HAP1: variants seen among roughly 807,000 people sequenced by gnomAD.
HAP1 encodes huntingtin associated protein 1.
A neutral mutation model predicts 60.3 loss-of-function variants in HAP1; 59 were observed. The ratio of observed to expected loss-of-function variants is 0.98; its 90% CI spans 0.79 to 1.22. HAP1 has a LOEUF of 1.22. Among genes scored for constraint, HAP1 ranks in the 50% most tolerant of loss-of-function variants. The probability of loss-of-function intolerance (pLI) is 0.00; values close to 1 mark genes in which losing one functional copy is unlikely to be tolerated. For missense variants in HAP1, 825 were observed against 785.3 expected (o/e 1.05, Z -0.60); for synonymous variants, 346 against 330.6 (o/e 1.05, Z -0.50).
rs551565394 is a variant in HAP1 at position 41,727,731 on chromosome 17, G to A, written c.1275+31C>T. The A allele has an allele frequency of 7.3e-6, 11 of 1,510,980 alleles. No individual in the cohort carries two copies. The South Asian group carries it at 9.0e-5, about 12-fold the overall frequency. 93.6% of individuals were successfully genotyped at this position (1,510,980 alleles called of 1,614,324 possible). ...CCACTCTGGGCCAGCGGCTCTCCAG[G>A]GTGGGGGCAGAAGCCGGCAGCGAGA... On this transcript the variant is annotated intron_variant, in intron 8 of 10. Coordinates refer to ENST00000347901, the MANE Select transcript of HAP1 (RefSeq NM_177977.3).
intron 6 of HAP1, among the ~76,000 whole-genome samples, chr17:41,729,518 C>T (rs1451649348): frequency 8.7e-6 from 1 of 115,270 alleles, no homozygotes; most frequent in Admixed American, 1.1e-4. Context: ...CCACTGCACT[C>T]CAGCCTGGGT....
intron 6 of HAP1, among the ~76,000 whole-genome samples, chr17:41,729,868 C>CAA (rs71155164): frequency 1.0e-4 from 6 of 59,902 alleles, no homozygotes; most frequent in African/African-American, 3.3e-4. Flanking sequence ...GAGACTCCGT[C>CAA]AAAAAAAAAA....
downstream of HAP1, chr17:41,718,140 T>G: frequency 2.5e-6 from 1 of 398,402 alleles, no homozygotes. Context: ...TAGCTTAGAA[T>G]TCAGGCTCAC....
In HAP1 at chr17:41,731,774, C is replaced by A. The variant is rs1912223348; in HGVS notation, c.897-31G>T. On this transcript the variant is annotated intron_variant, in intron 4 of 10. Transcript: ENST00000347901. ...GGAGGGAGGAATGGGAGTCAGGGTG[C>A]AGGGAGTGGGGCTTCCCAGTTCCCA... The A allele has an allele frequency of 4.6e-6, 7 of 1,523,378 alleles. No individual in the cohort carries two copies. In the Middle Eastern group the frequency reaches 1.2e-3, roughly 269 times the overall value. 94.4% of individuals were successfully genotyped at this position (1,523,378 alleles called of 1,614,324 possible).
At chr17:41,731,377 A>T in intron 6 of HAP1, 116 bp downstream of exon 6, 1 of 777,374 alleles carries the variant, frequency 1.3e-6, no homozygotes, top group Non-Finnish European at 2.3e-6. Flanking sequence ...ATCCAAGTTC[A>T]CACAGCTAGG....
rs114535587 is a variant in HAP1, at chr17:41,731,626, C to T, written c.1002+12G>A. 2.4e-4 allele frequency: 379 copies of T among 1,608,630 alleles called. No individual in the cohort carries two copies. The African/African-American group carries it at 4.5e-3, about 19-fold the overall frequency. ...CCCTGCTAGCAGGGACGCCCTCCTC[C>T]CCCATTCTCACCTCTTCTCTCAGCT... is the stretch of plus-strand genomic sequence containing the variant. On this transcript the variant is annotated intron_variant, in intron 5 of 10. Transcript: ENST00000347901.
In HAP1 at chr17:41,727,369, C is replaced by T. The variant is rs568608444; in HGVS notation, c.1276-225G>A. ...GGGGGTTGCTGGCGGAGGGTCTTCA[C>T]CTCCTCCTGCATCTCAATCAGCATG... On this transcript the variant is annotated intron_variant, in intron 8 of 10. Transcript: ENST00000347901. 20 of 780,662 alleles carry T rather than the reference C, an allele frequency of 2.6e-5. No homozygotes were observed. In the Middle Eastern group the frequency reaches 1.4e-3, roughly 55 times the overall value. 48.4% of individuals were successfully genotyped at this position (780,662 alleles called of 1,614,324 possible).
chr17:41,727,894 C>T (rs1224324088), intron 7 of HAP1, 58 bp from the exon 8 acceptor site: 29 of 1,062,092 alleles, frequency 2.7e-5, no homozygotes, highest in Non-Finnish European at 4.2e-5. Flanking sequence ...CAGGGCACCC[C>T]CTGCTTCCAG....
At position 41,734,578 on chromosome 17, in the gene HAP1, GTCCCCGGGTCCGAGCCGGC is replaced by G; in HGVS notation, c.38_56del (p.Ser13ThrfsTer32). On this transcript the variant is annotated frameshift_variant, in exon 1 of 11. Transcript: ENST00000347901. LOFTEE classifies it high-confidence loss of function. ...AAGGTGCACAGGTGAGTGCTGCTGG[GTCCCCGGGTCCGAGCCGGC>G]TCCCCGCGCAGCACCGGCCCAACCT... 9 of 1,589,832 alleles carry G rather than the reference GTCCCCGGGTCCGAGCCGGC, an allele frequency of 5.7e-6. No homozygotes were observed. The highest frequency in any genetic ancestry group is 7.7e-6 in the Non-Finnish European group (9 of 1,169,296).
intron 10 of HAP1, 27 bp from the exon 11 acceptor site, chr17:41,725,181 G>C (rs1555588495): frequency 6.5e-7 from 1 of 1,540,608 alleles, no homozygotes; most frequent in South Asian, 1.2e-5. Flanking sequence ...GACATCTTTT[G>C]AGGGGCTGGA....
intron 1 of HAP1, among the ~76,000 whole-genome samples, chr17:41,733,376 T>TTTTTTTA (rs1488293614): frequency 7.4e-6 from 1 of 134,636 alleles, no homozygotes; most frequent in Non-Finnish European, 1.6e-5. Context: ...TTTTTTTTTT[T>TTTTTTTA]ACCCCTGGAG....
rs1365307445 is a variant in HAP1 at position 41,724,607 on chromosome 17, T to C, written c.*94A>G. 2.3e-6 allele frequency: 2 copies of C among 872,392 alleles called. No individual in the cohort carries two copies. The highest frequency in any genetic ancestry group is 3.6e-6 in the Non-Finnish European group (2 of 549,084). The allele number at this position is 872,392 out of a possible 1,614,324, so 54.0% of individuals were successfully genotyped here. A position where few individuals can be genotyped will look rare whatever the true frequency, so the allele number is the denominator to read the frequency against. ...CACTGAAGGGGATCAGAGGTGTCTA[T>C]GCAAATGATATGCAAAGTCCATGCA... is the stretch of plus-strand genomic sequence containing the variant. On this transcript the variant is annotated 3_prime_UTR_variant, in exon 11 of 11. Coordinates refer to ENST00000347901, the MANE Select transcript of HAP1 (RefSeq NM_177977.3).
chr17:41,720,812 T>C (rs77832117), downstream of HAP1: 83 of 144,968 alleles, frequency 5.7e-4, no homozygotes, highest in African/African-American at 2.0e-3. Flanking sequence ...TTTTTTTTTT[T>C]CCTTGAGACG....
chr17:41,727,656 T>C, intron 8 of HAP1, 106 bp downstream of exon 8: 2 of 712,316 alleles, frequency 2.8e-6, no homozygotes, highest in Non-Finnish European at 4.9e-6. Context: ...CAAGACTCAG[T>C]TCCTGCTAGT....
chr17:41,734,098 T>G (rs1294976186), intron 1 of HAP1, 68 bp downstream of exon 1: 2 of 1,317,394 alleles, frequency 1.5e-6, no homozygotes, highest in Non-Finnish European at 2.1e-6. Flanking sequence ...CTGGACCCGA[T>G]GGGGCCACTT....
chr17:41,734,242 C>A lies in HAP1; in HGVS notation c.393G>T (p.Thr131=), dbSNP rs1555591962. The change falls in exon 1 of 11, where the codon ACG becomes ACT. Residue 131 remains threonine (T), a synonymous_variant. Coordinates refer to ENST00000347901, the MANE Select transcript of HAP1 (RefSeq NM_177977.3). ...GTGKAAGIWK[T]PAAYVGRRPG... ...GTCGCCGGCCAACGTAGGCGGCTGG[C>A]GTCTTCCAGATGCCCGCTGCCTTTC... is the stretch of plus-strand genomic sequence containing the variant. The A allele has an allele frequency of 5.6e-6, 9 of 1,601,082 alleles. No individual in the cohort carries two copies. Among genetic ancestry groups the A allele is most frequent in the Non-Finnish European group, 7.7e-6 (9 of 1,171,360 alleles).
rs1221387520 is a variant in HAP1 at position 41,724,467 on chromosome 17, A to C, written c.*234T>G. 1.9e-6 allele frequency: 1 copy of C among 521,288 alleles called. No homozygotes were observed. The highest frequency in any genetic ancestry group is 1.9e-5 in the African/African-American group (1 of 52,658). The allele number at this position is 521,288 out of a possible 1,614,324, so 32.3% of individuals were successfully genotyped here. On this transcript the variant is annotated 3_prime_UTR_variant, in exon 11 of 11. Coordinates refer to ENST00000347901, the MANE Select transcript of HAP1 (RefSeq NM_177977.3). ...GGGCAGAGATGGGAAGCTGAGGCGC[A>C]GTGTGGGGGCACAGTCCCAGCCCTA...
intron 6 of HAP1, 34 bp from the exon 7 acceptor site, chr17:41,728,365 C>T: frequency 1.2e-6 from 2 of 1,607,786 alleles, no homozygotes; most frequent in Non-Finnish European, 8.5e-7. Flanking sequence ...AGCCCTGGCT[C>T]CCCTGGCCTT....
downstream of HAP1, among the ~76,000 whole-genome samples, chr17:41,719,449 T>G (rs1302131516): frequency 1.3e-5 from 2 of 152,112 alleles, no homozygotes; most frequent in Non-Finnish European, 2.9e-5. Flanking sequence ...TCCCAGCACT[T>G]TGGGAAGCCA....
Sources: allele counts gnomAD v4.1 joint callset (sites outside exome capture counted in the v4.1 genomes callset), GRCh38; gene constraint gnomAD v4.1.1; transcripts MANE v1.5; gene names NCBI Gene and HGNC (gene_info 2026-07-23, HGNC 2026-07-21).